Variants in PLCE1 observed in about 807,000 individuals in gnomAD.
PLCE1 encodes 1-phosphatidylinositol 4,5-bisphosphate phosphodiesterase epsilon-1.
PLCE1 carries 119 observed loss-of-function variants against 242.8 expected under a neutral mutation model. That is an observed-to-expected ratio of 0.49 (90% CI 0.42 to 0.57). PLCE1 has a LOEUF of 0.57. Among genes scored for constraint, PLCE1 ranks in the 20% least tolerant of loss-of-function variants. PLCE1 has a pLI of 0.00. For missense variants in PLCE1, 2,441 were observed against 2,788.8 expected (o/e 0.88, Z 2.81); for synonymous variants, 945 against 1,017.4 (o/e 0.93, Z 1.35).
chr10:94,239,382 ATTCT>A, intron 7 of PLCE1, among the ~76,000 whole-genome samples: 1 of 152,258 alleles, frequency 6.6e-6, no homozygotes, highest in African/African-American at 2.4e-5. Flanking sequence ...TCCTGCGTTC[ATTCT>A]TTTTCCTGCC....
chr10:94,156,902 G>T (rs2136171165), intron 3 of PLCE1, among the ~76,000 whole-genome samples: 1 of 152,290 alleles, frequency 6.6e-6, no homozygotes, highest in Non-Finnish European at 1.5e-5. Flanking sequence ...CCCTATGTCA[G>T]GAACTGGGAG....
intron 20 of PLCE1, 117 bp downstream of exon 20, chr10:94,280,028 T>C: frequency 1.9e-6 from 2 of 1,075,634 alleles, no homozygotes; most frequent in Non-Finnish European, 2.9e-6. Context: ...GGTTGTAATA[T>C]TGTCCAGGAG....
rs1299346018 is a variant in PLCE1, at chr10:94,262,645, T to C, written c.3966T>C (p.Phe1322=). 1.9e-6 allele frequency: 3 copies of C among 1,613,986 alleles called. No homozygotes were observed. The highest frequency in any genetic ancestry group is 2.5e-6 in the Non-Finnish European group (3 of 1,179,990). Residue 1322 remains phenylalanine (F), a synonymous_variant, in exon 14 of 33, where the codon TTT becomes TTC. Coordinates refer to ENST00000371380, the MANE Select transcript of PLCE1 (RefSeq NM_016341.4). ...TTGAGAGCACATCTCTGGGCATTTT[T>C]GGGGTGGGCATACTTCAGCTCAACG... ...TGIESTSLGI[F]GVGILQLNDF...
intron 4 of PLCE1, among the ~76,000 whole-genome samples, chr10:94,213,862 G>A (rs186556716): frequency 8.5e-5 from 13 of 152,182 alleles, no homozygotes; most frequent in East Asian, 3.9e-4. Context: ...TCCAAGCACC[G>A]GAGCCCTTCA....
At chr10:94,255,878 T>TCA (rs1206355849) in intron 11 of PLCE1, among the ~76,000 whole-genome samples, 3,690 of 66,198 alleles carry the variant, frequency 0.056, 199 homozygotes, top group Admixed American at 0.062. Flanking sequence ...TTACTTTATC[T>TCA]CACACACACA....
chr10:94,036,665 G>C (rs1193868668), intron 2 of PLCE1, among the ~76,000 whole-genome samples: 1 of 152,094 alleles, frequency 6.6e-6, no homozygotes, highest in Non-Finnish European at 1.5e-5. Flanking sequence ...ATATTTTGAT[G>C]GGTGGCTAAA....
chr10:94,087,283 G>C (rs551120453), intron 2 of PLCE1, among the ~76,000 whole-genome samples: 2 of 147,850 alleles, frequency 1.4e-5, no homozygotes, highest in Non-Finnish European at 1.5e-5. Flanking sequence ...CTGGGAGATC[G>C]AGGCTGCAGT....
At chr10:94,228,800 A>G (rs1196311488) in intron 5 of PLCE1, among the ~76,000 whole-genome samples, 1 of 152,192 alleles carries the variant, frequency 6.6e-6, no homozygotes, top group African/African-American at 2.4e-5. Flanking sequence ...AAAGAAGGAA[A>G]AAGTGGGGAG....
intron 3 of PLCE1, 123 bp downstream of exon 3, chr10:94,132,582 GCTT>G (rs1221453420): frequency 5.4e-6 from 5 of 919,234 alleles, no homozygotes; most frequent in Non-Finnish European, 8.6e-6. Context: ...AGTAAAAGTC[GCTT>G]CTTTAAGAGA....
Position 94,051,240 on chromosome 10 carries a change from A to G in PLCE1, c.1206+18988A>G, listed in dbSNP as rs1206095593. On this transcript the variant is annotated intron_variant, in intron 2 of 32. Transcript: ENST00000371380. ...AAGCAAAATTCAAGCCAAACAAATA[A>G]GACTTTCAGAGTTACCAGCCTGGGT... Among the ~76,000 whole-genome samples, 6 of 140,338 alleles carry G rather than the reference A, an allele frequency of 4.3e-5. No individual in the cohort carries two copies. In the Admixed American group the frequency reaches 4.4e-4, roughly 10 times the overall value. The allele number at this position is 140,338 out of a possible 152,430, so 92.1% of individuals were successfully genotyped here. A position where few individuals can be genotyped will look rare whatever the true frequency, so the allele number is the denominator to read the frequency against.
At chr10:94,267,184 G>A (rs148827606) in intron 16 of PLCE1, among the ~76,000 whole-genome samples, 145 of 152,146 alleles carry the variant, frequency 9.5e-4, no homozygotes, top group African/African-American at 2.7e-3. Context: ...ATATACATGC[G>A]TGTACATATA....
intron 7 of PLCE1, among the ~76,000 whole-genome samples, chr10:94,240,438 T>C (rs1407638828): frequency 6.6e-6 from 1 of 152,166 alleles, no homozygotes; most frequent in Non-Finnish European, 1.5e-5. Context: ...ATGCTTATAG[T>C]CAAGGAAGGT....
At chr10:94,045,538 T>A (rs921917156) in intron 2 of PLCE1, among the ~76,000 whole-genome samples, 1 of 152,240 alleles carries the variant, frequency 6.6e-6, no homozygotes, top group East Asian at 1.9e-4. Context: ...TAGCTAATGA[T>A]GGAAGATCCA....
chr10:94,055,941 T>A (rs534623251), intron 2 of PLCE1, among the ~76,000 whole-genome samples: 133 of 152,320 alleles, frequency 8.7e-4, no homozygotes, highest in Non-Finnish European at 1.6e-3. Flanking sequence ...TTCATGTAAA[T>A]AAGAGTGCTT....
At chr10:94,294,141 C>T (rs1043563226) in intron 23 of PLCE1, among the ~76,000 whole-genome samples, 37 of 152,178 alleles carry the variant, frequency 2.4e-4, no homozygotes, top group African/African-American at 7.7e-4. Context: ...ATAAAAATAA[C>T]ATTTCACTGA....
chr10:94,247,055 T>A (rs1197023356), intron 8 of PLCE1, among the ~76,000 whole-genome samples: 2 of 143,324 alleles, frequency 1.4e-5, no homozygotes, highest in East Asian at 2.1e-4. Context: ...GAGGTTGCAG[T>A]GAGCCAAGAT....
chr10:94,102,139 G>A (rs1188097421), intron 2 of PLCE1, among the ~76,000 whole-genome samples: 1 of 152,206 alleles, frequency 6.6e-6, no homozygotes, highest in African/African-American at 2.4e-5. Context: ...ATAAGCATCT[G>A]TTCTATGCCA....
At chr10:94,185,991 C>T (rs1314259455) in intron 4 of PLCE1, among the ~76,000 whole-genome samples, 1 of 152,250 alleles carries the variant, frequency 6.6e-6, no homozygotes, top group Non-Finnish European at 1.5e-5. Flanking sequence ...TTTCAACAAA[C>T]TCATTGTGAG....
chr10:94,004,957 A>G (rs775198150), intron 1 of PLCE1, among the ~76,000 whole-genome samples: 12 of 152,242 alleles, frequency 7.9e-5, no homozygotes, highest in Non-Finnish European at 1.5e-4. Context: ...ACAAAGCATT[A>G]TAAGTGAGGA....
Sources: allele counts gnomAD v4.1 joint callset (sites outside exome capture counted in the v4.1 genomes callset), GRCh38; gene constraint gnomAD v4.1.1; transcripts MANE v1.5; gene names NCBI Gene and HGNC (gene_info 2026-07-23, HGNC 2026-07-21).